Variants in ANO1 observed in about 807,000 individuals in gnomAD.
The protein encoded by ANO1 is anoctamin-1.
ANO1 carries 59 observed loss-of-function variants against 124.0 expected under a neutral mutation model. That is an observed-to-expected ratio of 0.48 (90% CI 0.39 to 0.59). ANO1 has a LOEUF of 0.59. ANO1 is among the 20% of genes least tolerant of loss of function. The pLI, the probability that ANO1 is intolerant of heterozygous loss-of-function variation, is 0.00. For synonymous variants in ANO1, 529 were observed against 532.0 expected, an observed-to-expected ratio of 0.99 and a Z score of 0.08; for missense variants, 1,059 against 1,328.0, an observed-to-expected ratio of 0.80 and a Z score of 3.15.
intron 1 of ANO1, among the ~76,000 whole-genome samples, chr11:70,022,018 T>C (rs969980740): frequency 6.6e-6 from 1 of 151,594 alleles, no homozygotes; most frequent in Non-Finnish European, 1.5e-5. Context: ...ACTGAGAGAG[T>C]CCTGCTTCTC....
At chr11:70,082,635 A>G (rs1303111588) in intron 1 of ANO1, among the ~76,000 whole-genome samples, 1 of 152,240 alleles carries the variant, frequency 6.6e-6, no homozygotes, top group African/African-American at 2.4e-5. Context: ...TTTCTTAAGA[A>G]TACAGAAACA....
At chr11:69,985,939 C>T (rs1262789474) in exon 1 of ANO1, 1 of 152,186 alleles carries the variant, frequency 6.6e-6, no homozygotes, top group African/African-American at 2.4e-5. Flanking sequence ...GGCTACAGCA[C>T]GCGCGGCTTC....
At chr11:70,164,804 C>G (rs1200902209) in intron 19 of ANO1, among the ~76,000 whole-genome samples, 1 of 152,136 alleles carries the variant, frequency 6.6e-6, no homozygotes, top group Non-Finnish European at 1.5e-5. Context: ...TGGTGCAGAG[C>G]CAGTGGATGC....
At chr11:70,024,765 G>T (rs1555002995) in intron 1 of ANO1, among the ~76,000 whole-genome samples, 2 of 152,244 alleles carry the variant, frequency 1.3e-5, no homozygotes, top group Non-Finnish European at 2.9e-5. Context: ...CCCGCTGACA[G>T]CCTGGACAGA....
At chr11:69,987,604 C>CAAAAAAAAAAAAA (rs202001305) in intron 1 of ANO1, among the ~76,000 whole-genome samples, 3 of 109,738 alleles carry the variant, frequency 2.7e-5, no homozygotes, top group African/African-American at 1.3e-4. Context: ...GACCATGTCT[C>CAAAAAAAAAAAAA]AAAAAAAAAA....
At chr11:70,021,286 A>G (rs187526500) in intron 1 of ANO1, among the ~76,000 whole-genome samples, 1 of 152,272 alleles carries the variant, frequency 6.6e-6, no homozygotes, top group East Asian at 1.9e-4. Context: ...GTTTCATCCT[A>G]AACTCCAAAT....
chr11:70,019,431 G>T (rs1856762465), intron 1 of ANO1, among the ~76,000 whole-genome samples: 1 of 152,178 alleles, frequency 6.6e-6, no homozygotes, highest in African/African-American at 2.4e-5. Context: ...TTAAGGAACA[G>T]GACTCGAGAG....
At chr11:70,076,322 GC>G (rs2044055880), upstream of ANO1, among the ~76,000 whole-genome samples, 1 of 152,096 alleles carries the variant, frequency 6.6e-6, no homozygotes, top group Admixed American at 6.5e-5. Context: ...CTAGGAGATG[GC>G]CCCCCAGCAG....
intron 6 of ANO1, among the ~76,000 whole-genome samples, 161 bp downstream of exon 6, chr11:70,108,565 G>A (rs1026859574): frequency 2.0e-5 from 3 of 152,100 alleles, no homozygotes; most frequent in Non-Finnish European, 4.4e-5. Flanking sequence ...GGTTGGGAGC[G>A]TGCAGGGCAG....
intron 3 of ANO1, among the ~76,000 whole-genome samples, chr11:70,103,765 G>A (rs1034211911): frequency 2.6e-5 from 4 of 152,150 alleles, no homozygotes; most frequent in African/African-American, 4.8e-5. Flanking sequence ...AAAGTTTAGC[G>A]GGGAAGTTCT....
At chr11:70,162,672 C>T (rs978186099) in intron 18 of ANO1, among the ~76,000 whole-genome samples, 3 of 152,038 alleles carry the variant, frequency 2.0e-5, no homozygotes, top group African/African-American at 7.2e-5. Flanking sequence ...AGGCTGCCTC[C>T]TCCACATCAT....
At chr11:70,130,137 AC>A (rs2046689474) in intron 10 of ANO1, among the ~76,000 whole-genome samples, 1 of 151,630 alleles carries the variant, frequency 6.6e-6, no homozygotes, top group African/African-American at 2.4e-5. Flanking sequence ...CCCCCACATC[AC>A]CCTCCGACCC....
At chr11:69,968,122 G>T in the ANO1 span, among the ~76,000 whole-genome samples, 1 of 152,140 alleles carries the variant, frequency 6.6e-6, no homozygotes, top group Non-Finnish European at 1.5e-5. Context: ...GTGAATGAAT[G>T]AATGGATGAG....
chr11:70,150,184 C>T (rs887427279), intron 12 of ANO1, among the ~76,000 whole-genome samples: 8 of 152,050 alleles, frequency 5.3e-5, no homozygotes, highest in African/African-American at 1.9e-4. Context: ...CAAAAGTGGC[C>T]GTGAGCATCT....
chr11:70,076,879 A>T (rs377437647), upstream of ANO1, among the ~76,000 whole-genome samples: 1 of 152,164 alleles, frequency 6.6e-6, no homozygotes, highest in East Asian at 1.9e-4. Context: ...ACAAGATGAC[A>T]TTAGTAGTGA....
At chr11:70,029,313 C>T (rs1363143019) in intron 1 of ANO1, among the ~76,000 whole-genome samples, 1 of 152,186 alleles carries the variant, frequency 6.6e-6, no homozygotes, top group Non-Finnish European at 1.5e-5. Context: ...AAGATGAGGC[C>T]TCCCCCATGA....
At chr11:70,173,363 G>T (rs2048548446) in intron 22 of ANO1, among the ~76,000 whole-genome samples, 1 of 152,130 alleles carries the variant, frequency 6.6e-6, no homozygotes, top group Non-Finnish European at 1.5e-5. Context: ...TCTTCTCTGG[G>T]TGACCCAGGT....
intron 19 of ANO1, chr11:70,163,665 A>T: frequency 5.2e-6 from 3 of 572,766 alleles, no homozygotes; most frequent in Non-Finnish European, 9.2e-6. Context: ...GGACGGGTGC[A>T]GTGGCTCATG....
At chr11:69,973,767 G>A in the ANO1 span, among the ~76,000 whole-genome samples, 2 of 151,776 alleles carry the variant, frequency 1.3e-5, no homozygotes, top group Non-Finnish European at 2.9e-5. Flanking sequence ...AGCTACTCGG[G>A]AGGCTAAGGC....
Sources: gnomAD v4.1 joint callset for allele counts (sites outside exome capture counted in the v4.1 genomes callset) on GRCh38, gnomAD v4.1.1 for gene constraint, MANE v1.5 for transcripts, NCBI Gene and HGNC (gene_info 2026-07-23, HGNC 2026-07-21) for gene names.